Variants in MAGI1 observed in about 807,000 individuals in gnomAD.
MAGI1 encodes membrane associated guanylate kinase, WW and PDZ domain containing 1.
Under a neutral mutation model 139.9 loss-of-function variants are expected in MAGI1, and 58 were observed. That is an observed-to-expected ratio of 0.41 (90% CI 0.34 to 0.52). The LOEUF is 0.52. Among genes scored for constraint, MAGI1 ranks in the 20% least tolerant of loss-of-function variants. The probability of loss-of-function intolerance (pLI) is 0.12; values close to 1 mark genes in which losing one functional copy is unlikely to be tolerated. For synonymous variants in MAGI1, 812 were observed against 737.9 expected (o/e 1.10, Z -1.63); for missense variants, 1,874 against 1,901.6 (o/e 0.99, Z 0.27).
chr3:65,365,042 G>T lies in MAGI1; in HGVS notation c.3197-96C>A, dbSNP rs758685428. ...GAAGCCCTGTATCTGAATAACAAGT[G>T]TGACTTCTCTGTCCCCATTTCAAGC... is the stretch of plus-strand genomic sequence containing the variant. On this transcript the variant is annotated intron_variant, in intron 18 of 22. Transcript: ENST00000402939. The T allele has an allele frequency of 1.2e-5, 11 of 937,028 alleles. No individual in the cohort carries two copies. In the South Asian group the frequency reaches 1.4e-4, roughly 12 times the overall value. 58.0% of individuals were successfully genotyped at this position (937,028 alleles called of 1,614,324 possible).
At chr3:65,713,215 C>G in intron 1 of MAGI1, among the ~76,000 whole-genome samples, 1 of 152,058 alleles carries the variant, frequency 6.6e-6, no homozygotes, top group Non-Finnish European at 1.5e-5. Flanking sequence ...GCAACATCAC[C>G]CTGTCTTCTG....
At chr3:65,585,219 C>T (rs2372068) in intron 2 of MAGI1, among the ~76,000 whole-genome samples, 9,524 of 152,198 alleles carry the variant, frequency 0.063, 358 homozygotes, top group East Asian at 0.12. Flanking sequence ...CTATCATAAG[C>T]TTAATGTCTG....
chr3:65,775,413 C>T (rs994633124), intron 1 of MAGI1, among the ~76,000 whole-genome samples: 2 of 142,428 alleles, frequency 1.4e-5, no homozygotes, highest in South Asian at 2.2e-4. Context: ...TGTGCCATTG[C>T]ACTCCAGCCT....
At chr3:65,701,745 T>C (rs901817014) in intron 1 of MAGI1, among the ~76,000 whole-genome samples, 2 of 152,144 alleles carry the variant, frequency 1.3e-5, no homozygotes, top group African/African-American at 2.4e-5. Context: ...GATTTTTCCC[T>C]TTTTTCTTCC....
chr3:65,632,213 T>A (rs984495792), intron 1 of MAGI1, among the ~76,000 whole-genome samples: 2 of 152,224 alleles, frequency 1.3e-5, no homozygotes, highest in African/African-American at 4.8e-5. Flanking sequence ...TTATGGCAGT[T>A]TCTACCAAAT....
intron 21 of MAGI1, among the ~76,000 whole-genome samples, chr3:65,362,727 CCTGA>C (rs1287470798): frequency 3.3e-5 from 5 of 152,170 alleles, no homozygotes; most frequent in African/African-American, 9.7e-5. Context: ...CCTTTCCTGG[CCTGA>C]CTGTCTTGAT....
At chr3:65,634,535 A>T (rs1202405827) in intron 1 of MAGI1, among the ~76,000 whole-genome samples, 1 of 152,156 alleles carries the variant, frequency 6.6e-6, no homozygotes, top group African/African-American at 2.4e-5. Flanking sequence ...ATGTTGCTGA[A>T]CTTCTCTGAG....
At chr3:65,858,397 A>G (rs1243337238) in intron 1 of MAGI1, among the ~76,000 whole-genome samples, 37 of 152,218 alleles carry the variant, frequency 2.4e-4, no homozygotes, top group Non-Finnish European at 8.8e-5. Context: ...TGTGGAGACA[A>G]CACATCAATG....
intron 1 of MAGI1, among the ~76,000 whole-genome samples, chr3:65,688,646 G>C (rs1008974989): frequency 1.3e-5 from 2 of 152,156 alleles, no homozygotes; most frequent in Admixed American, 6.5e-5. Context: ...CATTGGCTTA[G>C]CAGCCAATAT....
At chr3:65,435,579 G>T (rs1947792787) in intron 10 of MAGI1, among the ~76,000 whole-genome samples, 1 of 152,036 alleles carries the variant, frequency 6.6e-6, no homozygotes, top group Non-Finnish European at 1.5e-5. Flanking sequence ...CCTAGTTTGG[G>T]ATTATCTCAC....
chr3:65,583,008 TAATA>T (rs750527641), intron 2 of MAGI1, among the ~76,000 whole-genome samples: 13 of 152,212 alleles, frequency 8.5e-5, no homozygotes, highest in Non-Finnish European at 1.5e-4. Flanking sequence ...GAAATGCACT[TAATA>T]GTGTATTTTC....
At chr3:65,657,564 T>C (rs1050433357) in intron 1 of MAGI1, among the ~76,000 whole-genome samples, 13 of 152,202 alleles carry the variant, frequency 8.5e-5, no homozygotes, top group Admixed American at 3.9e-4. Context: ...GAGCCAGTTG[T>C]ACTTATTGCC....
intron 1 of MAGI1, among the ~76,000 whole-genome samples, chr3:65,831,457 A>G (rs1162680464): frequency 6.6e-6 from 1 of 152,234 alleles, no homozygotes; most frequent in Non-Finnish European, 1.5e-5. Context: ...AGAAGTATAG[A>G]GATAAAGCAT....
intron 1 of MAGI1, among the ~76,000 whole-genome samples, chr3:65,989,758 G>C (rs1283155580): frequency 6.6e-6 from 1 of 152,076 alleles, no homozygotes; most frequent in Admixed American, 6.6e-5. Context: ...GGCTGGTCTC[G>C]AACTCCTGGC....
chr3:65,929,153 C>CA (rs57578782), intron 1 of MAGI1, among the ~76,000 whole-genome samples: 84,353 of 149,696 alleles, frequency 0.56, 24,261 homozygotes, highest in East Asian at 0.76. Flanking sequence ...GACAATGCCG[C>CA]AAAAAAAAAG....
chr3:65,686,713 T>C (rs1483058928), intron 1 of MAGI1, among the ~76,000 whole-genome samples: 1 of 152,244 alleles, frequency 6.6e-6, no homozygotes, highest in South Asian at 2.1e-4. Context: ...GACTTAGGAC[T>C]GTCTCAGTGG....
chr3:65,552,109 G>A (rs149555216), intron 2 of MAGI1, among the ~76,000 whole-genome samples: 60 of 152,252 alleles, frequency 3.9e-4, no homozygotes, highest in Non-Finnish European at 5.9e-4. Context: ...TGTAGTACAC[G>A]GCATTCCTGC....
intron 1 of MAGI1, among the ~76,000 whole-genome samples, chr3:65,748,070 T>C (rs1406071739): frequency 6.6e-6 from 1 of 152,112 alleles, no homozygotes; most frequent in Admixed American, 6.6e-5. Context: ...TCTCCGAAAC[T>C]GATGATAGCT....
chr3:65,968,760 TAC>T (rs1045201178), intron 1 of MAGI1, among the ~76,000 whole-genome samples: 9 of 152,122 alleles, frequency 5.9e-5, no homozygotes, highest in Non-Finnish European at 1.2e-4. Context: ...TTTTTAATTC[TAC>T]ACAGTTTTCT....
Sources: allele counts gnomAD v4.1 joint callset (sites outside exome capture counted in the v4.1 genomes callset), GRCh38; gene constraint gnomAD v4.1.1; transcripts MANE v1.5; gene names NCBI Gene and HGNC (gene_info 2026-07-23, HGNC 2026-07-21).